SHTN1: variants seen among roughly 807,000 people sequenced by gnomAD.
SHTN1 encodes the protein shootin-1.
In SHTN1, 42 loss-of-function variants were observed where a neutral mutation model predicts 83.1. The observed-to-expected ratio is 0.51, with a 90% CI of 0.39 to 0.65. The LOEUF is 0.65. Among genes scored for constraint, SHTN1 ranks in the 30% least tolerant of loss-of-function variants. The pLI, the probability that SHTN1 is intolerant of heterozygous loss-of-function variation, is 0.00. For missense variants in SHTN1, 622 were observed against 737.8 expected, an observed-to-expected ratio of 0.84 and a Z score of 1.82; for synonymous variants, 224 against 247.7, an observed-to-expected ratio of 0.90 and a Z score of 0.90.
intron 1 of SHTN1, among the ~76,000 whole-genome samples, chr10:117,057,714 G>A (rs375431795): frequency 6.6e-6 from 1 of 152,032 alleles, no homozygotes; most frequent in African/African-American, 2.4e-5. Context: ...GCTGATCCCC[G>A]GCACAGACAC....
intron 13 of SHTN1, among the ~76,000 whole-genome samples, chr10:116,913,537 C>T (rs544987016): frequency 4.9e-4 from 74 of 152,274 alleles, no homozygotes; most frequent in Admixed American, 8.5e-4. Flanking sequence ...ATTCTGAAAA[C>T]GAAAGTACGT....
intron 8 of SHTN1, 69 bp from the exon 9 acceptor site, chr10:116,940,681 C>A: frequency 7.9e-7 from 1 of 1,265,354 alleles, no homozygotes; most frequent in Non-Finnish European, 1.1e-6. Flanking sequence ...GTAACTTCAG[C>A]AAAAGAAAAG....
At chr10:117,018,568 A>C (rs10886022) in intron 2 of SHTN1, among the ~76,000 whole-genome samples, 1,935 of 30,662 alleles carry the variant, frequency 0.063, 26 homozygotes, top group Non-Finnish European at 0.2. Context: ...TGCTCTCACC[A>C]TTTTTTTTTT....
intron 1 of SHTN1, among the ~76,000 whole-genome samples, chr10:116,994,449 T>G (rs74538370): frequency 6.6e-6 from 1 of 152,108 alleles, no homozygotes; most frequent in Non-Finnish European, 1.5e-5. Context: ...GATTTTCCTA[T>G]AGTATTGACA....
intron 1 of SHTN1, among the ~76,000 whole-genome samples, chr10:117,084,415 A>G (rs1041312817): frequency 5.9e-5 from 9 of 152,288 alleles, no homozygotes; most frequent in East Asian, 3.9e-4. Flanking sequence ...CCAGCTGCGT[A>G]CTGGGAGAAC....
intron 1 of SHTN1, among the ~76,000 whole-genome samples, chr10:117,097,113 A>C (rs1853515370): frequency 2.0e-5 from 3 of 152,118 alleles, no homozygotes; most frequent in African/African-American, 7.2e-5. Flanking sequence ...TCAGATTCTC[A>C]AATTCTTCAT....
intron 1 of SHTN1, among the ~76,000 whole-genome samples, chr10:117,108,696 TA>T (rs1214263354): frequency 6.6e-6 from 1 of 151,342 alleles, no homozygotes; most frequent in Non-Finnish European, 1.5e-5. Flanking sequence ...CCCTAGAACT[TA>T]AAGTATAATA....
chr10:117,058,909 C>T (rs954781695), intron 1 of SHTN1, among the ~76,000 whole-genome samples: 2 of 152,048 alleles, frequency 1.3e-5, no homozygotes, highest in Non-Finnish European at 1.5e-5. Context: ...AATATTATTC[C>T]ACTCATATGA....
chr10:116,959,561 A>AT (rs1259924936), intron 4 of SHTN1, among the ~76,000 whole-genome samples: 5 of 152,274 alleles, frequency 3.3e-5, no homozygotes, highest in South Asian at 2.1e-4. Flanking sequence ...TAAGACAGAG[A>AT]TAAAAAAAAC....
At chr10:116,991,978 C>T (rs1898345) in intron 1 of SHTN1, among the ~76,000 whole-genome samples, 136,410 of 151,968 alleles carry the variant, frequency 0.9, 62,943 homozygotes, top group Non-Finnish European at 1. Flanking sequence ...CCTGTCTCTA[C>T]AAAAAATACC....
intron 15 of SHTN1, among the ~76,000 whole-genome samples, chr10:116,905,717 G>A (rs892024255): frequency 1.3e-5 from 2 of 152,126 alleles, no homozygotes; most frequent in Admixed American, 1.3e-4. Context: ...ACTACTTGAA[G>A]CTGACTGAAC....
intron 1 of SHTN1, among the ~76,000 whole-genome samples, chr10:117,065,702 AGC>A (rs1564947073): frequency 1.7e-5 from 1 of 58,720 alleles, no homozygotes; most frequent in South Asian, 1.2e-3. Context: ...TGGGCAACAA[AGC>A]GAGAGAGAGA....
rs1221108925 is a variant in SHTN1 at position 116,911,652 on chromosome 10, TC to T, written c.1359+137del. The T allele has an allele frequency of 8.3e-6, 13 of 1,566,204 alleles. No individual in the cohort carries two copies. In the East Asian group the frequency reaches 3.0e-4, roughly 37 times the overall value. ...GTGATGGAGCAGTCTGTAAGCACGATCAAATAAACTGGCCAAAGATGAGGCT... is the reference window on the plus strand; with the variant it reads ...GTGATGGAGCAGTCTGTAAGCACGATAAATAAACTGGCCAAAGATGAGGCT... On this transcript the variant is annotated intron_variant, in intron 14 of 16. Transcript: ENST00000355371.
At chr10:116,932,475 C>G (rs1849008423) in intron 9 of SHTN1, among the ~76,000 whole-genome samples, 1 of 152,122 alleles carries the variant, frequency 6.6e-6, no homozygotes, top group Non-Finnish European at 1.5e-5. Context: ...CCACCCTCTT[C>G]CCTCCCCAGT....
At chr10:116,989,907 A>G (rs1294507083) in intron 1 of SHTN1, among the ~76,000 whole-genome samples, 2 of 152,328 alleles carry the variant, frequency 1.3e-5, no homozygotes, top group South Asian at 2.1e-4. Context: ...TGAGGAAAAC[A>G]TAATTTCTTC....
chr10:116,932,008 T>C (rs1157850359), intron 9 of SHTN1, among the ~76,000 whole-genome samples: 1 of 152,218 alleles, frequency 6.6e-6, no homozygotes, highest in Non-Finnish European at 1.5e-5. Flanking sequence ...TGGTTTGAGA[T>C]AGTTTTTCGA....
At chr10:117,007,784 G>A (rs900232237), upstream of SHTN1, among the ~76,000 whole-genome samples, 3 of 151,654 alleles carry the variant, frequency 2.0e-5, no homozygotes, top group East Asian at 1.9e-4. Context: ...AGGCCGAGGC[G>A]GGCAGATCAC....
intron 2 of SHTN1, among the ~76,000 whole-genome samples, chr10:117,033,192 G>A (rs1243618356): frequency 1.3e-5 from 2 of 151,624 alleles, no homozygotes; most frequent in Non-Finnish European, 2.9e-5. Flanking sequence ...ATAAAAACCT[G>A]AGCAGACATA....
intron 2 of SHTN1, among the ~76,000 whole-genome samples, chr10:117,041,400 A>G (rs190544673): frequency 8.9e-4 from 135 of 152,312 alleles, no homozygotes; most frequent in African/African-American, 3.0e-3. Flanking sequence ...GAAAAACTAG[A>G]TGAGTAAATA....
Sources: allele counts gnomAD v4.1 joint callset (sites outside exome capture counted in the v4.1 genomes callset), GRCh38; gene constraint gnomAD v4.1.1; transcripts MANE v1.5; gene names NCBI Gene and HGNC (gene_info 2026-07-23, HGNC 2026-07-21).